Variants in CPNE8 observed in about 807,000 individuals in gnomAD.
The protein encoded by CPNE8 is copine-8.
In CPNE8, 45 loss-of-function variants were observed where a neutral mutation model predicts 81.5. That is an observed-to-expected ratio of 0.55 (90% CI 0.44 to 0.71). The LOEUF is 0.71. Ranked by LOEUF, CPNE8 falls within the 30% of genes least tolerant of loss-of-function variation. CPNE8 has a pLI of 0.00. For missense variants in CPNE8, 594 were observed against 672.1 expected, an observed-to-expected ratio of 0.88 and a Z score of 1.28; for synonymous variants, 252 against 226.3, an observed-to-expected ratio of 1.11 and a Z score of -1.02.
At chr12:38,747,334 G>T (rs1191990955) in intron 10 of CPNE8, among the ~76,000 whole-genome samples, 1 of 152,160 alleles carries the variant, frequency 6.6e-6, no homozygotes, top group African/African-American at 2.4e-5. Flanking sequence ...AAGTAAAGGA[G>T]TATGAATTGG....
intron 5 of CPNE8, among the ~76,000 whole-genome samples, chr12:38,830,290 T>A (rs1020019251): frequency 6.6e-6 from 1 of 152,128 alleles, no homozygotes; most frequent in Non-Finnish European, 1.5e-5. Flanking sequence ...CTCACAAAAA[T>A]TTTTAATTTA....
At chr12:38,899,941 T>A (rs940160958) in intron 1 of CPNE8, among the ~76,000 whole-genome samples, 1 of 152,046 alleles carries the variant, frequency 6.6e-6, no homozygotes, top group Admixed American at 6.6e-5. Flanking sequence ...ACACACAGAT[T>A]TAAAAAATAG....
intron 10 of CPNE8, among the ~76,000 whole-genome samples, chr12:38,760,091 G>A (rs987431336): frequency 6.6e-6 from 1 of 152,080 alleles, no homozygotes; most frequent in African/African-American, 2.4e-5. Context: ...CACATCGACT[G>A]AAAAATTAAA....
intron 6 of CPNE8, among the ~76,000 whole-genome samples, chr12:38,826,929 G>A (rs1263126158): frequency 6.6e-6 from 1 of 151,358 alleles, no homozygotes; most frequent in African/African-American, 2.4e-5. Flanking sequence ...CAGAACTTTG[G>A]GAGGCCGAGG....
chr12:38,688,598 G>GTT (rs1555143097), intron 15 of CPNE8, among the ~76,000 whole-genome samples: 1 of 148,548 alleles, frequency 6.7e-6, no homozygotes, highest in Non-Finnish European at 1.5e-5. Flanking sequence ...AAGAAAATGT[G>GTT]GTGTGTGTGT....
intron 6 of CPNE8, among the ~76,000 whole-genome samples, chr12:38,807,058 C>T (rs747256503): frequency 6.6e-6 from 1 of 152,042 alleles, no homozygotes; most frequent in African/African-American, 2.4e-5. Context: ...TGTGAAGGAC[C>T]TCTTCCAGGA....
At chr12:38,858,260 A>T (rs1212265948) in intron 3 of CPNE8, among the ~76,000 whole-genome samples, 1 of 152,182 alleles carries the variant, frequency 6.6e-6, no homozygotes, top group East Asian at 1.9e-4. Context: ...CAATTACCTA[A>T]CATAGATGGT....
intron 15 of CPNE8, among the ~76,000 whole-genome samples, chr12:38,688,330 G>T (rs917488174): frequency 6.6e-6 from 1 of 152,016 alleles, no homozygotes; most frequent in Non-Finnish European, 1.5e-5. Context: ...TTGCTCTAAG[G>T]TTTCCTCATA....
chr12:38,771,130 T>C (rs1375874259), intron 7 of CPNE8, among the ~76,000 whole-genome samples: 2 of 151,864 alleles, frequency 1.3e-5, no homozygotes, highest in African/African-American at 4.8e-5. Flanking sequence ...AAACAAAAAA[T>C]ATACTTTATG....
chr12:38,880,939 G>A (rs542907444), intron 1 of CPNE8, among the ~76,000 whole-genome samples: 12 of 152,180 alleles, frequency 7.9e-5, no homozygotes, highest in Admixed American at 3.3e-4. Context: ...GGCCGGGAGC[G>A]GTGGCTCATG....
At chr12:38,712,180 G>A (rs1278531594) in intron 13 of CPNE8, among the ~76,000 whole-genome samples, 1 of 149,958 alleles carries the variant, frequency 6.7e-6, no homozygotes, top group Non-Finnish European at 1.5e-5. Context: ...AAGCAACATA[G>A]CAACATATCC....
chr12:38,842,618 C>A (rs979835441), intron 4 of CPNE8, among the ~76,000 whole-genome samples: 2 of 145,324 alleles, frequency 1.4e-5, no homozygotes, highest in African/African-American at 2.6e-5. Flanking sequence ...CTCTGTTGCC[C>A]AGGCTGGAGT....
At chr12:38,683,688 T>C (rs1408800989) in intron 16 of CPNE8, among the ~76,000 whole-genome samples, 1 of 152,124 alleles carries the variant, frequency 6.6e-6, no homozygotes, top group Non-Finnish European at 1.5e-5. Context: ...AAGAAATGTA[T>C]ACATGGAACT....
At chr12:38,779,221 G>A (rs1046347394) in intron 6 of CPNE8, among the ~76,000 whole-genome samples, 1 of 152,040 alleles carries the variant, frequency 6.6e-6, no homozygotes, top group Non-Finnish European at 1.5e-5. Flanking sequence ...AGAAAATAAG[G>A]ACCAATCAGA....
chr12:38,835,150 G>T (rs977485204), intron 5 of CPNE8, among the ~76,000 whole-genome samples: 1 of 152,124 alleles, frequency 6.6e-6, no homozygotes, highest in Non-Finnish European at 1.5e-5. Context: ...CTCTCAAAGT[G>T]CTGGGATTAC....
At chr12:38,789,041 A>T (rs1942264571) in intron 6 of CPNE8, among the ~76,000 whole-genome samples, 1 of 151,940 alleles carries the variant, frequency 6.6e-6, no homozygotes, top group African/African-American at 2.4e-5. Context: ...AGCATTCTAC[A>T]GTTTCAATGC....
chr12:38,842,859 G>T (rs548105907), intron 4 of CPNE8, among the ~76,000 whole-genome samples: 2 of 152,032 alleles, frequency 1.3e-5, no homozygotes, highest in Admixed American at 6.6e-5. Flanking sequence ...GATTACAGGC[G>T]TGAGCCACCG....
intron 19 of CPNE8, among the ~76,000 whole-genome samples, chr12:38,659,666 A>G (rs1245513458): frequency 6.6e-6 from 1 of 152,196 alleles, no homozygotes; most frequent in Non-Finnish European, 1.5e-5. Context: ...TCCTCAGCAA[A>G]TGTAAAAGAA....
intron 10 of CPNE8, among the ~76,000 whole-genome samples, chr12:38,735,409 G>A (rs1259431903): frequency 6.6e-6 from 1 of 151,190 alleles, no homozygotes; most frequent in East Asian, 2.0e-4. Flanking sequence ...CTGGAACCAA[G>A]CCTTTAATTC....
Sources: allele counts gnomAD v4.1 joint callset (sites outside exome capture counted in the v4.1 genomes callset), GRCh38; gene constraint gnomAD v4.1.1; transcripts MANE v1.5; gene names NCBI Gene and HGNC (gene_info 2026-07-23, HGNC 2026-07-21).